RGS6: variants seen among roughly 807,000 people sequenced by gnomAD.
The protein encoded by RGS6 is regulator of G-protein signaling 6.
In RGS6, 30 loss-of-function variants were observed where a neutral mutation model predicts 78.5. That is an observed-to-expected ratio of 0.38 (90% CI 0.29 to 0.52). The LOEUF (loss-of-function observed/expected upper bound fraction) is 0.52. Among genes scored for constraint, RGS6 ranks in the 20% least tolerant of loss-of-function variants. The pLI is 0.85. For synonymous variants in RGS6, 206 were observed against 206.0 expected (o/e 1.00, Z 0.00); for missense variants, 495 against 609.7 (o/e 0.81, Z 1.98).
At chr14:71,868,269 T>C in the RGS6 span, among the ~76,000 whole-genome samples, 1 of 152,110 alleles carries the variant, frequency 6.6e-6, no homozygotes, top group Non-Finnish European at 1.5e-5. Context: ...GAGGTGCCTA[T>C]AAACAGGAAC....
intron 3 of RGS6, among the ~76,000 whole-genome samples, chr14:72,411,814 A>G (rs1478149402): frequency 6.6e-6 from 1 of 152,152 alleles, no homozygotes; most frequent in Non-Finnish European, 1.5e-5. Context: ...TTCTGCATCT[A>G]TTGAGATTAT....
At chr14:72,453,799 G>A (rs918740112) in intron 3 of RGS6, among the ~76,000 whole-genome samples, 2 of 151,978 alleles carry the variant, frequency 1.3e-5, no homozygotes, top group Non-Finnish European at 2.9e-5. Flanking sequence ...GGTTGGAACC[G>A]TGGCTCCCTG....
At chr14:72,103,199 A>G (rs1246690582) in intron 2 of RGS6, among the ~76,000 whole-genome samples, 32 of 152,180 alleles carry the variant, frequency 2.1e-4, no homozygotes, top group Admixed American at 2.1e-3. Context: ...CGGCAATTCC[A>G]GTGCCTCCCT....
Position 72,172,556 on chromosome 14 carries a change from T to G in RGS6, c.85-179539T>G, listed in dbSNP as rs76683672. ...GCATTGATGTGTGTAATTCAGGTGG[T>G]ATTTGGTTGACTCCCTCCTAATATT... On this transcript the variant is annotated intron_variant, in intron 2 of 17. Coordinates refer to ENST00000553525, the MANE Select transcript of RGS6 (RefSeq NM_001204424.2). Among the ~76,000 whole-genome samples the G allele has an allele frequency of 1.4e-4, 22 of 152,242 alleles. No individual in the cohort carries two copies. The East Asian group carries it at 4.0e-3, about 28-fold the overall frequency.
chr14:72,255,038 GACACAGC>G (rs2056769682), intron 2 of RGS6, among the ~76,000 whole-genome samples: 1 of 152,182 alleles, frequency 6.6e-6, no homozygotes, highest in Non-Finnish European at 1.5e-5. Flanking sequence ...TCCCTGGGGA[GACACAGC>G]AGGCTGTGCT....
Position 72,411,504 on chromosome 14 carries a change from A to G in RGS6, c.185-43024A>G, listed in dbSNP as rs556937192. On this transcript the variant is annotated intron_variant, in intron 3 of 17. Coordinates refer to ENST00000553525, the MANE Select transcript of RGS6 (RefSeq NM_001204424.2). ...GGTTTTCTAGATATACAATCATGTC[A>G]TCTGCAAACAGGGACAATTTGACTT... is the stretch of plus-strand genomic sequence containing the variant. 5.1e-3 allele frequency among the ~76,000 whole-genome samples: 773 copies of G among 152,326 alleles called. 3 individuals carry two copies. The highest frequency in any genetic ancestry group is 0.017 in the African/African-American group (722 of 41,566).
intron 2 of RGS6, among the ~76,000 whole-genome samples, chr14:72,228,335 T>A (rs1258014532): frequency 1.3e-5 from 2 of 151,912 alleles, no homozygotes; most frequent in African/African-American, 4.8e-5. Context: ...GAGTCGAGAT[T>A]GCACCACTGC....
chr14:72,492,250 G>A (rs1288109145), intron 12 of RGS6, among the ~76,000 whole-genome samples: 2 of 152,196 alleles, frequency 1.3e-5, no homozygotes, highest in Non-Finnish European at 2.9e-5. Flanking sequence ...AGGGAAAACT[G>A]TATTTGTGCT....
At chr14:72,595,436 A>G in the RGS6 span, among the ~76,000 whole-genome samples, 1 of 150,052 alleles carries the variant, frequency 6.7e-6, no homozygotes, top group Non-Finnish European at 1.5e-5. Flanking sequence ...TGACTAAATC[A>G]TTCCCAGCAA....
At chr14:72,188,448 A>G (rs2097277771) in intron 2 of RGS6, among the ~76,000 whole-genome samples, 1 of 151,684 alleles carries the variant, frequency 6.6e-6, no homozygotes, top group South Asian at 2.1e-4. Flanking sequence ...GGTGCCTTAC[A>G]GTGTGCCCCA....
chr14:72,323,212 C>G (rs966239486), intron 2 of RGS6, among the ~76,000 whole-genome samples: 1 of 152,070 alleles, frequency 6.6e-6, no homozygotes, highest in Non-Finnish European at 1.5e-5. Context: ...AAAAATACTA[C>G]TCATGTTAAT....
At chr14:72,607,255 G>A in the RGS6 span, among the ~76,000 whole-genome samples, 307 of 152,296 alleles carry the variant, frequency 2.0e-3, 1 homozygote, top group Non-Finnish European at 3.2e-3. Flanking sequence ...AGACTGGGTG[G>A]CTTATCAACA....
chr14:72,540,345 GGC>G (rs1396975105), intron 17 of RGS6: 1 of 1,458,280 alleles, frequency 6.9e-7, no homozygotes, highest in Non-Finnish European at 9.0e-7. Flanking sequence ...CTCAGGCCTG[GGC>G]ATTTGATCAT....
chr14:72,568,845 G>A (rs947126953), downstream of RGS6, among the ~76,000 whole-genome samples: 2 of 152,332 alleles, frequency 1.3e-5, no homozygotes, highest in Non-Finnish European at 1.5e-5. Context: ...AACACCTGGC[G>A]TCCAAGGGAA....
intron 3 of RGS6, among the ~76,000 whole-genome samples, chr14:72,397,438 G>A (rs1596782143): frequency 6.6e-6 from 1 of 151,878 alleles, no homozygotes; most frequent in Non-Finnish European, 1.5e-5. Context: ...ATCAGCTTAA[G>A]GAGATTTTGG....
At chr14:72,197,713 T>G (rs2040521426) in intron 2 of RGS6, among the ~76,000 whole-genome samples, 2 of 152,194 alleles carry the variant, frequency 1.3e-5, no homozygotes, top group Admixed American at 6.5e-5. Context: ...AATTTCTATT[T>G]GGCAGTTTTC....
At chr14:72,389,190 G>A (rs971045619) in intron 3 of RGS6, among the ~76,000 whole-genome samples, 11 of 152,142 alleles carry the variant, frequency 7.2e-5, no homozygotes, top group African/African-American at 2.7e-4. Flanking sequence ...TATTTCCCTT[G>A]AGAAGTGGAG....
chr14:71,986,931 A>T (rs1013288642), intron 2 of RGS6, among the ~76,000 whole-genome samples: 1 of 151,972 alleles, frequency 6.6e-6, no homozygotes, highest in Non-Finnish European at 1.5e-5. Flanking sequence ...TCCAACTCTG[A>T]CCTTCCTTTC....
At position 72,562,892 on chromosome 14, in the gene RGS6, C is replaced by A; in HGVS notation, c.*425C>A. On this transcript the variant is annotated 3_prime_UTR_variant, in exon 18 of 18. Coordinates refer to ENST00000553525, the MANE Select transcript of RGS6 (RefSeq NM_001204424.2). ...TCAAGAGGCATGAGTGGACCGAGAG[C>A]ACATCCAGCATTTGCATCACCTCCC... 1 of 770,196 alleles carries A rather than the reference C, an allele frequency of 1.3e-6. No individual in the cohort carries two copies. Among genetic ancestry groups the A allele is most frequent in the South Asian group, 1.6e-5 (1 of 63,374 alleles). 47.7% of individuals were successfully genotyped at this position (770,196 alleles called of 1,614,324 possible). A position where few individuals can be genotyped will look rare whatever the true frequency, so the allele number is the denominator to read the frequency against.
Sources: gnomAD v4.1 joint callset for allele counts (sites outside exome capture counted in the v4.1 genomes callset) on GRCh38, gnomAD v4.1.1 for gene constraint, MANE v1.5 for transcripts, NCBI Gene and HGNC (gene_info 2026-07-23, HGNC 2026-07-21) for gene names.